The following ZNF516 variants were observed in gnomAD, a reference collection of about 807,000 sequenced individuals.
ZNF516 encodes the protein zinc finger protein 516.
In ZNF516, 19 loss-of-function variants were observed where a neutral mutation model predicts 79.7. That is an observed-to-expected ratio of 0.24 (90% CI 0.17 to 0.35). ZNF516 has a LOEUF of 0.35. ZNF516 is among the 10% of genes least tolerant of loss of function. The pLI is 1.00. For synonymous variants in ZNF516, 877 were observed against 739.5 expected, an observed-to-expected ratio of 1.19 and a Z score of -3.02; for missense variants, 1,678 against 1,679.5, an observed-to-expected ratio of 1.00 and a Z score of 0.02.
rs1245276119 is a variant in ZNF516 at position 76,451,131 on chromosome 18, CAG to C, written c.-157-7922_-157-7921del. Reference sequence around the variant, plus strand: ...CCAAGTCCCCACAAGCAGCATGTGTCAGGGGAGGGAAGCAAAGCTGAAGTGGG... The same window carrying C: ...CCAAGTCCCCACAAGCAGCATGTGTCGGGAGGGAAGCAAAGCTGAAGTGGG... On this transcript the variant is annotated intron_variant, in intron 2 of 6. Transcript: ENST00000443185. The surrounding 1 kb of genome is among the most constrained non-coding windows in gnomAD (Gnocchi z 6.0). Among the ~76,000 whole-genome samples the C allele has an allele frequency of 6.6e-6, 1 of 152,198 alleles. No individual in the cohort carries two copies. Among genetic ancestry groups the C allele is most frequent in the African/African-American group, 2.4e-5 (1 of 41,454 alleles).
At chr18:76,477,319 CGAAAACTGACCCTCCGT>C (rs1914231168) in intron 1 of ZNF516, among the ~76,000 whole-genome samples, 1 of 152,140 alleles carries the variant, frequency 6.6e-6, no homozygotes, top group African/African-American at 2.4e-5. Flanking sequence ...ATAGCAAGCA[CGAAAACTGACCCTCCGT>C]GAAAGTAATA....
rs767276593 is a variant in ZNF516 at position 76,379,100 on chromosome 18, T to G, written c.3014A>C (p.Lys1005Thr). The G allele has an allele frequency of 2.5e-6, 4 of 1,611,326 alleles. No homozygotes were observed. Among genetic ancestry groups the G allele is most frequent in the Non-Finnish European group, 3.4e-6 (4 of 1,179,634 alleles). Reference sequence around the variant, plus strand: ...CAGAGTCCTCAGCTCCTGGGCTGCCTTCGAGGGGGGCTCGCGGGGAGGTAG... The same window carrying G: ...CAGAGTCCTCAGCTCCTGGGCTGCCGTCGAGGGGGGCTCGCGGGGAGGTAG... Reference protein sequence around the residue: ...PPLPPREPPSKAAQELRTLAT... With the variant: ...PPLPPREPPSTAAQELRTLAT... Residue 1005 changes from lysine to threonine, a missense_variant, in exon 4 of 7, where the codon AAG becomes ACG. Physicochemically the swap from Lys to Thr is moderately conservative, Grantham distance 78. Around this residue, in one of 5 missense-constraint regions of ZNF516, gnomAD observed 1,294 missense variants for 1,248.3 expected, o/e 1.04. Coordinates refer to ENST00000443185, the MANE Select transcript of ZNF516 (RefSeq NM_014643.4).
chr18:76,473,801 CAA>C (rs879452949), intron 1 of ZNF516, among the ~76,000 whole-genome samples: 28 of 101,460 alleles, frequency 2.8e-4, no homozygotes, highest in Admixed American at 5.7e-4. Flanking sequence ...ACTCCATCTC[CAA>C]AAAAAAAAAA....
At chr18:76,435,636 T>C (rs999106247) in intron 3 of ZNF516, among the ~76,000 whole-genome samples, 3 of 152,266 alleles carry the variant, frequency 2.0e-5, no homozygotes, top group Admixed American at 6.5e-5. Context: ...GCTGCATTTT[T>C]ATACTAAACA....
chr18:76,462,455 G>T (rs569210931), intron 2 of ZNF516, among the ~76,000 whole-genome samples: 1 of 152,324 alleles, frequency 6.6e-6, no homozygotes, highest in South Asian at 2.1e-4. Context: ...AGAGAGATTA[G>T]CGGTCCACCT....
At chr18:76,406,855 C>T (rs778990115) in intron 3 of ZNF516, among the ~76,000 whole-genome samples, 4 of 152,322 alleles carry the variant, frequency 2.6e-5, no homozygotes, top group South Asian at 2.1e-4. Context: ...CAGACCCACA[C>T]GAGCACCGCC....
intron 6 of ZNF516, among the ~76,000 whole-genome samples, chr18:76,365,385 T>C (rs992514150): frequency 5.9e-5 from 9 of 152,212 alleles, no homozygotes; most frequent in African/African-American, 1.7e-4. Context: ...TCAAAAATCA[T>C]TTTAATTTCT....
chr18:76,370,498 C>T (rs2074684418), intron 6 of ZNF516, 30 bp downstream of exon 6: 4 of 1,576,606 alleles, frequency 2.5e-6, no homozygotes, highest in Non-Finnish European at 3.4e-6. Context: ...CGCATCGAAA[C>T]CCAGACATCC....
intron 6 of ZNF516, among the ~76,000 whole-genome samples, chr18:76,365,310 C>T (rs139083169): frequency 1.6e-4 from 25 of 152,322 alleles, no homozygotes; most frequent in Non-Finnish European, 3.4e-4. Flanking sequence ...CATATTTCAG[C>T]AGACATTCTG....
At position 76,490,308 on chromosome 18, in the gene ZNF516, A is replaced by G. The variant is rs1486247476; in HGVS notation, c.-272+4836T>C. On this transcript the variant is annotated intron_variant, in intron 1 of 6. Coordinates refer to ENST00000443185, the MANE Select transcript of ZNF516 (RefSeq NM_014643.4). ...TACTAAGGGGGGGCGAGGGGTTCTC[A>G]GACCCATGCACAATAGTGGTATGTG... 6.4e-6 allele frequency: 3 copies of G among 468,586 alleles called. No homozygotes were observed. In the East Asian group the frequency reaches 4.6e-4, roughly 72 times the overall value. The allele number at this position is 468,586 out of a possible 1,614,324, so 29.0% of individuals were successfully genotyped here.
At chr18:76,455,840 G>A (rs1285512132) in intron 2 of ZNF516, among the ~76,000 whole-genome samples, 2 of 152,182 alleles carry the variant, frequency 1.3e-5, no homozygotes, top group Non-Finnish European at 2.9e-5. Flanking sequence ...GAGCATGTGT[G>A]TGCAGCTTGC....
chr18:76,421,576 G>C (rs2075508473), intron 3 of ZNF516, among the ~76,000 whole-genome samples: 1 of 152,190 alleles, frequency 6.6e-6, no homozygotes, highest in Admixed American at 6.5e-5. Flanking sequence ...TCAAGGGTTT[G>C]CTTGAAGGGG....
chr18:76,372,703 G>A (rs558324144), intron 4 of ZNF516: 1 of 152,216 alleles, frequency 6.6e-6, no homozygotes, highest in Non-Finnish European at 1.5e-5. Flanking sequence ...AATAAGAAAT[G>A]CATGAACTGT....
intron 3 of ZNF516, among the ~76,000 whole-genome samples, chr18:76,392,669 G>A (rs535290925): frequency 9.5e-6 from 1 of 104,868 alleles, no homozygotes; most frequent in African/African-American, 4.4e-5. Context: ...ACCAGGTGGG[G>A]GAAAGGTGGA....
At chr18:76,371,321 G>A (rs143516266) in intron 5 of ZNF516, 146 bp downstream of exon 5, 137 of 749,160 alleles carry the variant, frequency 1.8e-4, no homozygotes, top group African/African-American at 8.6e-4. Context: ...GCCTGTATAC[G>A]ATCCCGGAGG....
At chr18:76,432,674 G>C (rs72975929) in intron 3 of ZNF516, among the ~76,000 whole-genome samples, 46,203 of 152,170 alleles carry the variant, frequency 0.3, 7,629 homozygotes, top group East Asian at 0.44. Context: ...GGCCTCCAAA[G>C]GCCATCAGGC....
rs770265070 is a variant in ZNF516, at chr18:76,493,183, G to A, written c.-272+1961C>T. 2.6e-4 allele frequency: 253 copies of A among 985,048 alleles called. No homozygotes were observed. The highest frequency in any genetic ancestry group is 2.9e-4 in the Non-Finnish European group (238 of 829,806). 61.0% of individuals were successfully genotyped at this position (985,048 alleles called of 1,614,324 possible). Reference sequence around the variant, plus strand: ...TCTGAAAGTTAGCCATCTGCGCAGAGTTTGCCTTCTTTAAGGAGGGAGGCG... The same window carrying A: ...TCTGAAAGTTAGCCATCTGCGCAGAATTTGCCTTCTTTAAGGAGGGAGGCG... On this transcript the variant is annotated intron_variant, in intron 1 of 6. Transcript: ENST00000443185. The surrounding 1 kb of genome is among the most constrained non-coding windows in gnomAD (Gnocchi z 5.2).
At chr18:76,491,685 G>T (rs1327179192) in intron 1 of ZNF516, 2 of 300,374 alleles carry the variant, frequency 6.7e-6, no homozygotes, top group South Asian at 1.3e-4. Context: ...CCCCGGGGCG[G>T]GCAGGTGAGT....
chr18:76,453,787 C>T (rs866418858), intron 2 of ZNF516, among the ~76,000 whole-genome samples: 1 of 152,192 alleles, frequency 6.6e-6, no homozygotes, highest in Non-Finnish European at 1.5e-5. Flanking sequence ...CTGGGTGACA[C>T]TTCCTAGTCA....
Sources: allele counts gnomAD v4.1 joint callset (sites outside exome capture counted in the v4.1 genomes callset), GRCh38; gene constraint gnomAD v4.1.1; regional missense constraint gnomAD v4.1.1; non-coding constraint Gnocchi (gnomAD v3.1); transcripts MANE v1.5; gene names NCBI Gene and HGNC (gene_info 2026-07-23, HGNC 2026-07-21).